HPGD: variants seen among roughly 807,000 people sequenced by gnomAD.
HPGD encodes 15-hydroxyprostaglandin dehydrogenase.
Under a neutral mutation model 30.0 loss-of-function variants are expected in HPGD, and 29 were observed. The observed-to-expected ratio is 0.97, with a 90% CI of 0.72 to 1.32. The LOEUF (loss-of-function observed/expected upper bound fraction) is 1.32, where lower values mean the gene tolerates loss of function less well. HPGD is among the 40% of genes most tolerant of loss of function. The pLI is 0.00. For missense variants in HPGD, 340 were observed against 322.1 expected, an observed-to-expected ratio of 1.06 and a Z score of -0.43; for synonymous variants, 99 against 112.4, an observed-to-expected ratio of 0.88 and a Z score of 0.75.
At chr4:174,495,493 G>T in intron 5 of HPGD, 55 bp downstream of exon 5, 1 of 1,328,178 alleles carries the variant, frequency 7.5e-7, no homozygotes, top group Non-Finnish European at 1.1e-6. Context: ...CAGAATTCAT[G>T]TTTTATAAAT....
chr4:174,521,794 T>C (rs934158364), intron 2 of HPGD, 150 bp downstream of exon 2: 20 of 867,160 alleles, frequency 2.3e-5, no homozygotes, highest in Admixed American at 1.3e-4. Flanking sequence ...GAAGGAAACG[T>C]ATCAGTCCAA....
chr4:174,508,558 A>C, intron 4 of HPGD, 138 bp downstream of exon 4: 1 of 659,956 alleles, frequency 1.5e-6, no homozygotes, highest in South Asian at 1.7e-5. Context: ...TTTGCAATAG[A>C]AAATTCCATG....
chr4:174,521,225 CA>C (rs35013459), intron 2 of HPGD, among the ~76,000 whole-genome samples: 7,276 of 76,804 alleles, frequency 0.095, 326 homozygotes, highest in African/African-American at 0.21. Context: ...AATAGATGTA[CA>C]AAAAAAAAAA....
intron 2 of HPGD, among the ~76,000 whole-genome samples, chr4:174,519,404 G>A (rs1355230036): frequency 2.6e-5 from 4 of 151,928 alleles, no homozygotes; most frequent in African/African-American, 7.3e-5. Flanking sequence ...TAGTAGAGAC[G>A]GGGTTTCACC....
At chr4:174,511,954 A>T (rs1212734016) in intron 3 of HPGD, among the ~76,000 whole-genome samples, 1 of 152,070 alleles carries the variant, frequency 6.6e-6, no homozygotes, top group East Asian at 1.9e-4. Context: ...CCTGCTGAAC[A>T]TTTCTTCTGT....
intron 3 of HPGD, among the ~76,000 whole-genome samples, chr4:174,516,754 A>C (rs1332885707): frequency 6.6e-6 from 1 of 152,234 alleles, no homozygotes; most frequent in Non-Finnish European, 1.5e-5. Context: ...TTCTCAAGGT[A>C]GGACTTACAG....
intron 3 of HPGD, among the ~76,000 whole-genome samples, chr4:174,514,387 T>C (rs1735661491): frequency 6.6e-6 from 1 of 152,120 alleles, no homozygotes; most frequent in African/African-American, 2.4e-5. Flanking sequence ...TTTTCAAATA[T>C]AATGAAAGAG....
intron 3 of HPGD, among the ~76,000 whole-genome samples, chr4:174,514,551 C>A (rs1217056764): frequency 6.6e-6 from 1 of 152,026 alleles, no homozygotes; most frequent in Non-Finnish European, 1.5e-5. Flanking sequence ...TAACATAAAG[C>A]AAACATCTTA....
At chr4:174,498,019 G>C (rs1734725893) in intron 4 of HPGD, among the ~76,000 whole-genome samples, 1 of 151,696 alleles carries the variant, frequency 6.6e-6, no homozygotes, top group African/African-American at 2.4e-5. Flanking sequence ...CAGGACCATG[G>C]CTTACTGAAG....
At chr4:174,504,916 A>G (rs1390465129) in intron 4 of HPGD, among the ~76,000 whole-genome samples, 3 of 152,168 alleles carry the variant, frequency 2.0e-5, no homozygotes, top group Non-Finnish European at 2.9e-5. Context: ...TCTGCATTAA[A>G]CCAGACTTCG....
intron 4 of HPGD, among the ~76,000 whole-genome samples, chr4:174,499,868 G>C (rs1361471377): frequency 7.2e-6 from 1 of 138,934 alleles, no homozygotes; most frequent in African/African-American, 2.7e-5. Context: ...GGTCCTCTTT[G>C]CTTTTCTATG....
In HPGD at chr4:174,492,237, T is replaced by C; in HGVS notation, c.663-143A>G. 1.4e-6 allele frequency: 1 copy of C among 704,448 alleles called. No homozygotes were observed. Among genetic ancestry groups the C allele is most frequent in the Non-Finnish European group, 2.5e-6 (1 of 406,288 alleles). 43.6% of individuals were successfully genotyped at this position (704,448 alleles called of 1,614,324 possible). On this transcript the variant is annotated intron_variant, in intron 6 of 6. Coordinates refer to ENST00000296522, the MANE Select transcript of HPGD (RefSeq NM_000860.6). This position sits in a 1 kb window ranked among gnomAD's most constrained non-coding sequence, Gnocchi z 4.9. ...TTAAACTATTGCTACTTCCAATTTT[T>C]ATTTAATTCCATATTAGATATCTAG... is the stretch of plus-strand genomic sequence containing the variant.
chr4:174,498,437 T>A (rs952070393), intron 4 of HPGD, among the ~76,000 whole-genome samples: 2 of 152,112 alleles, frequency 1.3e-5, no homozygotes, highest in Non-Finnish European at 2.9e-5. Flanking sequence ...CCATGACCAG[T>A]CAAGATAATG....
Position 174,518,096 on chromosome 4 carries a change from AT to A in HPGD, c.218-20del, listed in dbSNP as rs1229974236. ...AAAGTGTCTAATTATAAAACAAGATATTAGTGATACATTCTTATTTTCCATG... is the reference window on the plus strand; with the variant it reads ...AAAGTGTCTAATTATAAAACAAGATATAGTGATACATTCTTATTTTCCATG... On this transcript the variant is annotated intron_variant, in intron 2 of 6. Transcript: ENST00000296522. 2.7e-6 allele frequency: 3 copies of A among 1,128,390 alleles called. No homozygotes were observed. In the Admixed American group the frequency reaches 5.1e-5, roughly 19 times the overall value. The allele number at this position is 1,128,390 out of a possible 1,614,324, so 69.9% of individuals were successfully genotyped here.
chr4:174,515,293 C>T (rs758398398), intron 3 of HPGD, among the ~76,000 whole-genome samples: 13 of 152,030 alleles, frequency 8.6e-5, no homozygotes, highest in South Asian at 2.1e-4. Context: ...CCAAACAGCA[C>T]GGTACTGGTA....
rs45549831 is a variant in HPGD, at chr4:174,501,550, C to T, written c.422-5926G>A. Among the ~76,000 whole-genome samples, 7 of 151,898 alleles carry T rather than the reference C, an allele frequency of 4.6e-5. No homozygotes were observed. In the South Asian group the frequency reaches 1.5e-3, roughly 32 times the overall value. ...ACACAATGGCTCTTTTTAAAATATA[C>T]CAAGTATAATTAGTAGCAGATTTAT... On this transcript the variant is annotated intron_variant, in intron 4 of 6. Transcript: ENST00000296522.
intron 2 of HPGD, among the ~76,000 whole-genome samples, chr4:174,520,965 G>A (rs960261628): frequency 3.9e-5 from 6 of 152,026 alleles, no homozygotes; most frequent in Non-Finnish European, 5.9e-5. Context: ...CTTCTAACAC[G>A]TCAGTTCATT....
chr4:174,522,140 G>C, intron 1 of HPGD, 73 bp from the exon 2 acceptor site: 2 of 1,606,484 alleles, frequency 1.2e-6, no homozygotes, highest in Non-Finnish European at 1.7e-6. Context: ...AAACACACAA[G>C]AGGCTCCCCT....
chr4:174,506,033 A>G (rs1239615815), intron 4 of HPGD, among the ~76,000 whole-genome samples: 4 of 152,338 alleles, frequency 2.6e-5, no homozygotes, highest in Non-Finnish European at 4.4e-5. Flanking sequence ...GAATAGAGAA[A>G]TGCCCACACA....
Sources: allele counts gnomAD v4.1 joint callset (sites outside exome capture counted in the v4.1 genomes callset), GRCh38; gene constraint gnomAD v4.1.1; non-coding constraint Gnocchi (gnomAD v3.1); transcripts MANE v1.5; gene names NCBI Gene and HGNC (gene_info 2026-07-23, HGNC 2026-07-21).